TASP1: variants seen among roughly 807,000 people sequenced by gnomAD.
TASP1 encodes threonine aspartase 1.
Under a neutral mutation model 56.6 loss-of-function variants are expected in TASP1, and 16 were observed. The observed-to-expected ratio is 0.28, with a 90% CI of 0.19 to 0.43. The LOEUF (loss-of-function observed/expected upper bound fraction) is 0.43. Among genes scored for constraint, TASP1 ranks in the 20% least tolerant of loss-of-function variants. The probability of loss-of-function intolerance (pLI) is 1.00; values close to 1 mark genes in which losing one functional copy is unlikely to be tolerated. For synonymous variants in TASP1, 179 were observed against 184.2 expected, an observed-to-expected ratio of 0.97 and a Z score of 0.23; for missense variants, 393 against 511.6, an observed-to-expected ratio of 0.77 and a Z score of 2.24.
rs1453919085 is a variant in TASP1, at chr20:13,489,923, T to C, written c.875-6586A>G. Among the ~76,000 whole-genome samples, 3 of 152,208 alleles carry C rather than the reference T, an allele frequency of 2.0e-5. No homozygotes were observed. The East Asian group carries it at 5.8e-4, about 29-fold the overall frequency. Reference sequence around the variant, plus strand: ...ATACCATATGTTCTTTATTCATTCATCTGTCAATGAATATATGGGACCAAA... The same window carrying C: ...ATACCATATGTTCTTTATTCATTCACCTGTCAATGAATATATGGGACCAAA... On this transcript the variant is annotated intron_variant, in intron 10 of 13. Coordinates refer to ENST00000337743, the MANE Select transcript of TASP1 (RefSeq NM_017714.3).
chr20:13,162,504 T>C, the TASP1 span, among the ~76,000 whole-genome samples: 2 of 152,082 alleles, frequency 1.3e-5, no homozygotes, highest in East Asian at 1.9e-4. Context: ...TAAGAGAAAA[T>C]GGAAAATGAC....
chr20:13,594,055 A>G (rs2047636765), intron 4 of TASP1, among the ~76,000 whole-genome samples: 1 of 152,222 alleles, frequency 6.6e-6, no homozygotes, highest in Non-Finnish European at 1.5e-5. Flanking sequence ...GCTGTTCTGC[A>G]GCCTCTGCTG....
the TASP1 span, among the ~76,000 whole-genome samples, chr20:13,314,073 C>A: frequency 6.6e-6 from 1 of 151,666 alleles, no homozygotes; most frequent in African/African-American, 2.4e-5. Context: ...TAGAAACCAC[C>A]AAAACTGAAA....
At chr20:13,516,532 T>G (rs1433401957) in intron 10 of TASP1, among the ~76,000 whole-genome samples, 2 of 152,060 alleles carry the variant, frequency 1.3e-5, no homozygotes, top group African/African-American at 4.8e-5. Flanking sequence ...CCTCTCCAAC[T>G]GACAGCAGGT....
the TASP1 span, among the ~76,000 whole-genome samples, chr20:13,281,473 T>C: frequency 0.16 from 24,260 of 152,158 alleles, 4,009 homozygotes; most frequent in African/African-American, 0.41. Context: ...GTTTCACATA[T>C]ACTATTTCAT....
chr20:13,583,056 C>T (rs184876608), intron 5 of TASP1, among the ~76,000 whole-genome samples: 4 of 152,352 alleles, frequency 2.6e-5, no homozygotes, highest in African/African-American at 9.6e-5. Context: ...ATTTGTGCCA[C>T]AGCAGCATAG....
chr20:13,478,866 T>C (rs2043035178), intron 11 of TASP1, among the ~76,000 whole-genome samples: 1 of 152,160 alleles, frequency 6.6e-6, no homozygotes, highest in Non-Finnish European at 1.5e-5. Context: ...AGTAAGCACT[T>C]ATATGCAGTA....
chr20:13,281,489 C>G, the TASP1 span, among the ~76,000 whole-genome samples: 1 of 152,166 alleles, frequency 6.6e-6, no homozygotes, highest in Non-Finnish European at 1.5e-5. Context: ...TTCATTAAAT[C>G]AGCTCTCTGA....
the TASP1 span, among the ~76,000 whole-genome samples, chr20:13,204,812 G>A: frequency 6.6e-6 from 1 of 152,290 alleles, no homozygotes; most frequent in African/African-American, 2.4e-5. Flanking sequence ...AGTAGTGAGA[G>A]TATCTTTATC....
At chr20:13,378,429 G>GT in the TASP1 span, among the ~76,000 whole-genome samples, 1 of 152,056 alleles carries the variant, frequency 6.6e-6, no homozygotes, top group East Asian at 1.9e-4. Context: ...TTGTACTGTG[G>GT]TCTGAGAGAC....
At chr20:13,158,391 C>T in the TASP1 span, among the ~76,000 whole-genome samples, 1 of 152,262 alleles carries the variant, frequency 6.6e-6, no homozygotes, top group Admixed American at 6.5e-5. Flanking sequence ...AATGAATCAA[C>T]AGAGTCATAT....
At chr20:13,553,085 G>A (rs1371150884) in intron 8 of TASP1, among the ~76,000 whole-genome samples, 1 of 151,996 alleles carries the variant, frequency 6.6e-6, no homozygotes, top group Non-Finnish European at 1.5e-5. Flanking sequence ...ACAGGTGCAT[G>A]CCACCATGCC....
chr20:13,207,757 C>T, the TASP1 span, among the ~76,000 whole-genome samples: 8 of 152,146 alleles, frequency 5.3e-5, no homozygotes, highest in South Asian at 2.1e-4. Flanking sequence ...AATTCAAATG[C>T]TAATCTCATA....
intron 13 of TASP1, among the ~76,000 whole-genome samples, chr20:13,415,779 AG>A (rs2042235048): frequency 6.6e-6 from 1 of 152,182 alleles, no homozygotes; most frequent in Non-Finnish European, 1.5e-5. Context: ...TTTCCACACA[AG>A]GGACTTAATA....
the TASP1 span, among the ~76,000 whole-genome samples, chr20:13,287,713 C>G: frequency 6.6e-6 from 1 of 152,118 alleles, no homozygotes; most frequent in Admixed American, 6.5e-5. Flanking sequence ...GCCTGACATA[C>G]AAAAAGGGTT....
chr20:13,401,167 T>A (rs2041724411), intron 13 of TASP1, among the ~76,000 whole-genome samples: 1 of 152,168 alleles, frequency 6.6e-6, no homozygotes, highest in South Asian at 2.1e-4. Flanking sequence ...GAGAAAACAA[T>A]CCAGAACTTA....
chr20:13,391,981 A>G (rs1053031716), intron 13 of TASP1, among the ~76,000 whole-genome samples: 119 of 151,694 alleles, frequency 7.8e-4, no homozygotes, highest in Non-Finnish European at 1.3e-3. Flanking sequence ...AAAAAAAAAA[A>G]AAAGAAAGAA....
At chr20:13,457,559 C>T (rs2043890668) in intron 11 of TASP1, among the ~76,000 whole-genome samples, 1 of 152,006 alleles carries the variant, frequency 6.6e-6, no homozygotes, top group Non-Finnish European at 1.5e-5. Context: ...TCTGTATATA[C>T]ACATATAGAT....
At chr20:13,126,668 AATC>A in the TASP1 span, 1 of 1,613,976 alleles carries the variant, frequency 6.2e-7, no homozygotes, top group Non-Finnish European at 8.5e-7. Context: ...TAGCAGAGCA[AATC>A]ATCAGATCAC....
Sources: gnomAD v4.1 joint callset for allele counts (sites outside exome capture counted in the v4.1 genomes callset) on GRCh38, gnomAD v4.1.1 for gene constraint, MANE v1.5 for transcripts, NCBI Gene and HGNC (gene_info 2026-07-23, HGNC 2026-07-21) for gene names.